The following CDH10 variants were observed in gnomAD, a reference collection of about 807,000 sequenced individuals.
CDH10 encodes the protein cadherin-10.
In CDH10, 30 loss-of-function variants were observed where a neutral mutation model predicts 73.1. That is an observed-to-expected ratio of 0.41 (90% CI 0.31 to 0.56). The LOEUF is 0.56. Among genes scored for constraint, CDH10 ranks in the 20% least tolerant of loss-of-function variants. CDH10 has a pLI of 0.27. For synonymous variants in CDH10, 345 were observed against 348.2 expected, an observed-to-expected ratio of 0.99 and a Z score of 0.10; for missense variants, 815 against 973.7, an observed-to-expected ratio of 0.84 and a Z score of 2.17.
intron 1 of CDH10, chr5:24,612,378 A>G (rs181833132): frequency 3.3e-5 from 5 of 152,320 alleles, no homozygotes; most frequent in African/African-American, 9.6e-5. Flanking sequence ...GACATTTCAT[A>G]AAGTTTTACA....
intron 5 of CDH10, among the ~76,000 whole-genome samples, chr5:24,516,470 T>C: frequency 8.7e-6 from 1 of 114,756 alleles, no homozygotes; most frequent in East Asian, 3.0e-4. Flanking sequence ...CTAATAGTGA[T>C]TTTCAATTTT....
chr5:24,610,844 G>A (rs897907998), intron 1 of CDH10, among the ~76,000 whole-genome samples: 8 of 152,142 alleles, frequency 5.3e-5, no homozygotes, highest in East Asian at 1.9e-4. Flanking sequence ...TTTAACTGAT[G>A]TCCTCCTAAG....
At chr5:24,579,686 TTTTC>T (rs1405324332) in intron 2 of CDH10, among the ~76,000 whole-genome samples, 40 of 152,268 alleles carry the variant, frequency 2.6e-4, no homozygotes, top group African/African-American at 9.4e-4. Context: ...TCTCCTTACA[TTTTC>T]TTTGTCTTCT....
intron 1 of CDH10, among the ~76,000 whole-genome samples, chr5:24,625,583 A>ATATATATGAATATATATGTG (rs1747467945): frequency 7.0e-6 from 1 of 142,612 alleles, no homozygotes; most frequent in Non-Finnish European, 1.6e-5. Context: ...ACATATATTC[A>ATATATATGAATATATATGTG]TATATATGAA....
chr5:24,589,633 TG>T (rs1746135375), intron 2 of CDH10, among the ~76,000 whole-genome samples: 1 of 152,066 alleles, frequency 6.6e-6, no homozygotes, highest in African/African-American at 2.4e-5. Context: ...ATTAGTGATT[TG>T]CTTAGAACTG....
At chr5:24,538,960 T>C (rs1011297478) in intron 2 of CDH10, among the ~76,000 whole-genome samples, 1 of 152,126 alleles carries the variant, frequency 6.6e-6, no homozygotes, top group Non-Finnish European at 1.5e-5. Flanking sequence ...AGTTTTATTA[T>C]GTGCAATGAG....
chr5:24,491,274 C>A (rs1319709097), intron 11 of CDH10, among the ~76,000 whole-genome samples: 1 of 152,084 alleles, frequency 6.6e-6, no homozygotes, highest in East Asian at 1.9e-4. Flanking sequence ...CTTGCTTTTT[C>A]CTTTGTTTAC....
chr5:24,592,352 A>C (rs185493740), intron 2 of CDH10, among the ~76,000 whole-genome samples: 1 of 151,960 alleles, frequency 6.6e-6, no homozygotes, highest in Non-Finnish European at 1.5e-5. Context: ...GTGTAGTGTT[A>C]ACATGTGATT....
chr5:24,641,280 T>C (rs1748041904), intron 1 of CDH10, among the ~76,000 whole-genome samples: 1 of 151,986 alleles, frequency 6.6e-6, no homozygotes. Flanking sequence ...AGAGCTGATA[T>C]TGTTATCTTA....
In CDH10 at chr5:24,531,336, T is replaced by C. The variant is rs547615695; in HGVS notation, c.814+3776A>G. Among the ~76,000 whole-genome samples, 250 of 152,234 alleles carry C rather than the reference T, an allele frequency of 1.6e-3. 1 individual carries two copies. The highest frequency in any genetic ancestry group is 5.6e-3 in the African/African-American group (232 of 41,574). On this transcript the variant is annotated intron_variant, in intron 5 of 11. Coordinates refer to ENST00000264463, the MANE Select transcript of CDH10 (RefSeq NM_006727.5). ...GTATGATTTGTCTCCCCTGCTTTAA[T>C]GAAAGGCAATAGGGATACAAACCAG...
chr5:24,543,108 A>G (rs1343659837), intron 2 of CDH10, among the ~76,000 whole-genome samples: 1 of 152,182 alleles, frequency 6.6e-6, no homozygotes, highest in Non-Finnish European at 1.5e-5. Flanking sequence ...CAGATAAAAT[A>G]TTTTACTTTT....
intron 1 of CDH10, among the ~76,000 whole-genome samples, chr5:24,599,902 C>T (rs187258666): frequency 1.3e-5 from 2 of 152,084 alleles, no homozygotes; most frequent in Non-Finnish European, 2.9e-5. Context: ...TTTAGATGGC[C>T]CGTCTTATCT....
At chr5:24,583,073 AC>A (rs1196612192) in intron 2 of CDH10, among the ~76,000 whole-genome samples, 2 of 152,108 alleles carry the variant, frequency 1.3e-5, no homozygotes, top group East Asian at 3.9e-4. Context: ...TTTTAAAAAA[AC>A]TAAACGTCCT....
rs764312624 is a variant in CDH10, at chr5:24,535,096, A to G, written c.814+16T>C. ...AAATCTTTTGCCCGGCAGAATGACCATTAAAGGGTGCTTACTCTGGGGGAA... is the reference window on the plus strand; with the variant it reads ...AAATCTTTTGCCCGGCAGAATGACCGTTAAAGGGTGCTTACTCTGGGGGAA... On this transcript the variant is annotated intron_variant, in intron 5 of 11. Transcript: ENST00000264463. 4 of 1,583,266 alleles carry G rather than the reference A, an allele frequency of 2.5e-6. No homozygotes were observed. Among genetic ancestry groups the G allele is most frequent in the South Asian group, 1.2e-5 (1 of 85,232 alleles).
At position 24,635,461 on chromosome 5, in the gene CDH10, C is replaced by T. The variant is rs115952315; in HGVS notation, c.-124+9133G>A. 1.3e-3 allele frequency among the ~76,000 whole-genome samples: 195 copies of T among 152,038 alleles called. 1 individual carries two copies. Among genetic ancestry groups the T allele is most frequent in the African/African-American group, 4.6e-3 (189 of 41,522 alleles). ...TTTCCTCCTCTCGAGTCTTTCCTAT[C>T]GTTTTCAAAATTCGTATCCATCAAT... On this transcript the variant is annotated intron_variant, in intron 1 of 11. Coordinates refer to ENST00000264463, the MANE Select transcript of CDH10 (RefSeq NM_006727.5).
At chr5:24,511,695 T>G (rs368827770) in intron 5 of CDH10, among the ~76,000 whole-genome samples, 181 bp from the exon 6 acceptor site, 8 of 152,246 alleles carry the variant, frequency 5.3e-5, no homozygotes, top group East Asian at 3.9e-4. Context: ...ATAACATGGA[T>G]AACATTAAGG....
intron 2 of CDH10, among the ~76,000 whole-genome samples, chr5:24,550,313 C>T (rs1170687640): frequency 6.6e-6 from 1 of 151,968 alleles, no homozygotes; most frequent in African/African-American, 2.4e-5. Flanking sequence ...CATGTCTTTC[C>T]ACTTTCCATT....
chr5:24,608,630 A>C (rs1213952879), intron 1 of CDH10, among the ~76,000 whole-genome samples: 1 of 152,216 alleles, frequency 6.6e-6, no homozygotes, highest in Admixed American at 6.5e-5. Context: ...CAAAATATAA[A>C]GTAGTAGTAA....
intron 11 of CDH10, among the ~76,000 whole-genome samples, chr5:24,488,793 C>G (rs1287011018): frequency 1.1e-4 from 4 of 36,166 alleles, no homozygotes; most frequent in Non-Finnish European, 2.9e-4. Flanking sequence ...TGCATGAGAC[C>G]CCCCCCCCAA....
Sources: allele counts gnomAD v4.1 joint callset (sites outside exome capture counted in the v4.1 genomes callset), GRCh38; gene constraint gnomAD v4.1.1; transcripts MANE v1.5; gene names NCBI Gene and HGNC (gene_info 2026-07-23, HGNC 2026-07-21).